Variants in STT3B observed in about 807,000 individuals in gnomAD.
STT3B encodes the protein dolichyl-diphosphooligosaccharide--protein glycosyltransferase subunit STT3B.
STT3B carries 29 observed loss-of-function variants against 96.8 expected under a neutral mutation model. That is an observed-to-expected ratio of 0.30 (90% CI 0.22 to 0.41). STT3B has a LOEUF of 0.41. Ranked by LOEUF, STT3B falls within the 10% of genes least tolerant of loss-of-function variation. The probability of loss-of-function intolerance (pLI) is 1.00; values close to 1 mark genes in which losing one functional copy is unlikely to be tolerated. For synonymous variants in STT3B, 367 were observed against 360.0 expected (o/e 1.02, Z -0.22); for missense variants, 640 against 1,022.3 (o/e 0.63, Z 5.10).
intron 12 of STT3B, 120 bp downstream of exon 12, chr3:31,625,205 C>A: frequency 1.2e-6 from 1 of 819,940 alleles, no homozygotes; most frequent in Non-Finnish European, 1.9e-6. Context: ...TCTCAAAATA[C>A]TTTTTTACAC....
chr3:31,586,062 AT>A, intron 3 of STT3B, among the ~76,000 whole-genome samples: 1 of 152,212 alleles, frequency 6.6e-6, no homozygotes, highest in African/African-American at 2.4e-5. Context: ...TTCATTTTGC[AT>A]TCCCTCCACA....
intron 15 of STT3B, 152 bp downstream of exon 15, chr3:31,633,299 C>G: frequency 1.4e-6 from 1 of 697,194 alleles, no homozygotes; most frequent in Non-Finnish European, 2.3e-6. Context: ...GCCTAGCCTG[C>G]TAGGAGCATT....
intron 10 of STT3B, 104 bp from the exon 11 acceptor site, chr3:31,623,570 A>T: frequency 1.2e-6 from 1 of 832,286 alleles, no homozygotes; most frequent in Non-Finnish European, 1.8e-6. Flanking sequence ...TGAGTCATAG[A>T]ATTAAATTGA....
chr3:31,622,356 A>G (rs199910542), intron 10 of STT3B, 48 bp downstream of exon 10: 2 of 1,475,800 alleles, frequency 1.4e-6, no homozygotes, highest in East Asian at 4.6e-5. Context: ...TCCTTTCTTA[A>G]TTTTTCCACC....
intron 7 of STT3B, 78 bp from the exon 8 acceptor site, chr3:31,617,862 C>A: frequency 1.0e-6 from 1 of 963,898 alleles, no homozygotes; most frequent in Non-Finnish European, 1.7e-6. Context: ...CTATAATTAG[C>A]AATAAACATA....
intron 5 of STT3B, among the ~76,000 whole-genome samples, chr3:31,612,671 C>T (rs916682632): frequency 2.6e-5 from 4 of 152,100 alleles, no homozygotes; most frequent in African/African-American, 9.7e-5. Context: ...TAGTAAATAT[C>T]TCTGAGAAGT....
chr3:31,581,513 A>G (rs1055077873), intron 3 of STT3B, among the ~76,000 whole-genome samples: 4 of 152,198 alleles, frequency 2.6e-5, no homozygotes, highest in Non-Finnish European at 5.9e-5. Flanking sequence ...TGCATTTTTT[A>G]ATTTTGAGCA....
chr3:31,562,301 G>A (rs1233151077), intron 1 of STT3B, among the ~76,000 whole-genome samples: 1 of 152,192 alleles, frequency 6.6e-6, no homozygotes, highest in Non-Finnish European at 1.5e-5. Flanking sequence ...CTGGTCCCCA[G>A]ACCTGCAGGT....
rs1466718729 is a variant in STT3B at position 31,556,907 on chromosome 3, CTCTTTT to C, written c.315-19487_315-19482del. Reference sequence around the variant, plus strand: ...TTTGGTTTAATACAGTGCCATTTGTCTCTTTTTGTTTTTGTTTTCTGTGCATTTAAG... The same window carrying C: ...TTTGGTTTAATACAGTGCCATTTGTCTGTTTTTGTTTTCTGTGCATTTAAG... On this transcript the variant is annotated intron_variant, in intron 1 of 15. Transcript: ENST00000295770. Among the ~76,000 whole-genome samples, 6 of 152,232 alleles carry C rather than the reference CTCTTTT, an allele frequency of 3.9e-5. No homozygotes were observed. The South Asian group carries it at 1.2e-3, about 32-fold the overall frequency.
At chr3:31,546,301 C>A (rs1296780033) in intron 1 of STT3B, among the ~76,000 whole-genome samples, 3 of 151,808 alleles carry the variant, frequency 2.0e-5, no homozygotes, top group Non-Finnish European at 4.4e-5. Context: ...ATTGTAGTCA[C>A]CTGGAGGCTC....
chr3:31,546,131 T>C (rs1697407029), intron 1 of STT3B, among the ~76,000 whole-genome samples: 1 of 152,088 alleles, frequency 6.6e-6, no homozygotes, highest in South Asian at 2.1e-4. Flanking sequence ...TTTGCTGGGG[T>C]ATATACCTGG....
At chr3:31,617,831 T>G in intron 7 of STT3B, 109 bp from the exon 8 acceptor site, 1 of 790,054 alleles carries the variant, frequency 1.3e-6, no homozygotes, top group African/African-American at 1.8e-5. Flanking sequence ...ACTGAAATTC[T>G]TTGAACATTA....
intron 13 of STT3B, among the ~76,000 whole-genome samples, chr3:31,629,081 C>G (rs1371468216): frequency 1.3e-5 from 2 of 151,990 alleles, no homozygotes; most frequent in Non-Finnish European, 2.9e-5. Flanking sequence ...ACTCCAGCCT[C>G]GAGGACAGAA....
At chr3:31,583,548 T>G (rs919328720) in intron 3 of STT3B, among the ~76,000 whole-genome samples, 7 of 152,200 alleles carry the variant, frequency 4.6e-5, no homozygotes, top group African/African-American at 1.7e-4. Context: ...TAGCCATCCC[T>G]GCTCTCTTTT....
At chr3:31,592,327 G>A (rs1271270085) in intron 3 of STT3B, among the ~76,000 whole-genome samples, 1 of 152,146 alleles carries the variant, frequency 6.6e-6, no homozygotes, top group South Asian at 2.1e-4. Flanking sequence ...TCCGTTGTAT[G>A]TACATGCCAT....
At chr3:31,602,871 T>C (rs2125464801) in intron 5 of STT3B, among the ~76,000 whole-genome samples, 1 of 152,242 alleles carries the variant, frequency 6.6e-6, no homozygotes, top group East Asian at 1.9e-4. Context: ...TTTGATGATT[T>C]CTAGTCTGCT....
intron 5 of STT3B, 104 bp from the exon 6 acceptor site, chr3:31,614,996 CTTAAA>C: frequency 1.8e-6 from 1 of 563,128 alleles, no homozygotes. Flanking sequence ...AGATTCTGTT[CTTAAA>C]TTCAGTTAAT....
intron 6 of STT3B, 27 bp from the exon 7 acceptor site, chr3:31,616,902 G>A (rs749624759): frequency 6.4e-7 from 1 of 1,569,000 alleles, no homozygotes; most frequent in Admixed American, 1.8e-5. Context: ...CTGCTTTGTT[G>A]ATTATGTGAC....
intron 5 of STT3B, among the ~76,000 whole-genome samples, chr3:31,604,648 G>A (rs1341922447): frequency 3.3e-5 from 5 of 152,200 alleles, no homozygotes; most frequent in Non-Finnish European, 1.5e-5. Context: ...ATTATACAGT[G>A]TAATCAATTT....
Sources: allele counts gnomAD v4.1 joint callset (sites outside exome capture counted in the v4.1 genomes callset), GRCh38; gene constraint gnomAD v4.1.1; transcripts MANE v1.5; gene names NCBI Gene and HGNC (gene_info 2026-07-23, HGNC 2026-07-21).